Variants in SKIC3 observed in about 807,000 individuals in gnomAD.
SKIC3 encodes the protein SKI3 subunit of superkiller complex.
At chr5:95,480,027 T>C in the SKIC3 span, among the ~76,000 whole-genome samples, 2 of 152,166 alleles carry the variant, frequency 1.3e-5, no homozygotes, top group East Asian at 3.8e-4. Flanking sequence ...TTTTCAAAGA[T>C]TGGTACTATG....
At chr5:95,493,368 T>C in the SKIC3 span, among the ~76,000 whole-genome samples, 14 of 152,304 alleles carry the variant, frequency 9.2e-5, no homozygotes, top group African/African-American at 3.4e-4. Context: ...GAGGACCTAA[T>C]CTGGGCAATC....
chr5:95,541,231 G>A, the SKIC3 span: 3 of 1,404,828 alleles, frequency 2.1e-6, no homozygotes, highest in Non-Finnish European at 3.0e-6. Context: ...CTCCCAAAGT[G>A]CTGGGATTAC....
At chr5:95,489,204 G>A in the SKIC3 span, among the ~76,000 whole-genome samples, 6 of 151,774 alleles carry the variant, frequency 4.0e-5, no homozygotes, top group South Asian at 2.1e-4. Context: ...CTTGGGAGGC[G>A]GAGGCAGGAG....
the SKIC3 span, chr5:95,524,622 A>G: frequency 1.2e-6 from 2 of 1,611,560 alleles, no homozygotes; most frequent in Non-Finnish European, 1.7e-6. Context: ...AAAAAGAAAT[A>G]GTAAAACAAA....
At chr5:95,535,884 C>A in the SKIC3 span, among the ~76,000 whole-genome samples, 2 of 152,124 alleles carry the variant, frequency 1.3e-5, no homozygotes, top group African/African-American at 2.4e-5. Context: ...CAATAATTGA[C>A]AATCACTACC....
chr5:95,507,587 A>AT, the SKIC3 span, among the ~76,000 whole-genome samples: 7 of 152,326 alleles, frequency 4.6e-5, no homozygotes, highest in South Asian at 1.4e-3. Context: ...AGAGTTGGAT[A>AT]TTTAACAAGA....
the SKIC3 span, among the ~76,000 whole-genome samples, chr5:95,549,397 C>G: frequency 3.9e-5 from 6 of 152,118 alleles, no homozygotes; most frequent in Non-Finnish European, 8.8e-5. Flanking sequence ...AAGTTAAATA[C>G]AGCAGCAAAT....
At chr5:95,503,641 T>C in the SKIC3 span, among the ~76,000 whole-genome samples, 1 of 152,138 alleles carries the variant, frequency 6.6e-6, no homozygotes, top group Non-Finnish European at 1.5e-5. Context: ...ATAATAACAT[T>C]CTAAATGAGG....
At chr5:95,520,608 C>T in the SKIC3 span, 81 of 832,194 alleles carry the variant, frequency 9.7e-5, no homozygotes, top group Middle Eastern at 2.5e-3. Flanking sequence ...TTATGTTTGA[C>T]ATTCTGAGCA....
At chr5:95,524,670 T>C in the SKIC3 span, 4 of 1,587,550 alleles carry the variant, frequency 2.5e-6, no homozygotes, top group Non-Finnish European at 3.4e-6. Flanking sequence ...AGACTCCTAG[T>C]TGGAACAATC....
At chr5:95,525,398 C>G in the SKIC3 span, 1 of 1,613,540 alleles carries the variant, frequency 6.2e-7, no homozygotes, top group Non-Finnish European at 8.5e-7. Context: ...ATATCCTTAC[C>G]ATTTTTCTGC....
the SKIC3 span, among the ~76,000 whole-genome samples, chr5:95,472,767 A>G: frequency 6.6e-6 from 1 of 151,690 alleles, no homozygotes; most frequent in Non-Finnish European, 1.5e-5. Context: ...CCACTCCTTC[A>G]CCCTCAGTGG....
the SKIC3 span, among the ~76,000 whole-genome samples, chr5:95,514,029 G>A: frequency 6.6e-6 from 1 of 152,178 alleles, no homozygotes; most frequent in East Asian, 1.9e-4. Context: ...GCACAGTAAC[G>A]CCACTGCTCC....
chr5:95,478,269 A>G, the SKIC3 span: 2 of 1,613,046 alleles, frequency 1.2e-6, no homozygotes, highest in East Asian at 2.2e-5. Context: ...TTTCATGATC[A>G]TAATTATAAC....
the SKIC3 span, chr5:95,512,986 T>G: frequency 4.2e-6 from 1 of 239,312 alleles, no homozygotes; most frequent in Non-Finnish European, 8.2e-6. Context: ...ACTCCTTATC[T>G]CATGTCTATC....
the SKIC3 span, among the ~76,000 whole-genome samples, chr5:95,532,753 AAAAAC>A: frequency 1.3e-5 from 2 of 152,128 alleles, no homozygotes; most frequent in South Asian, 4.1e-4. Flanking sequence ...TTTATTTCTC[AAAAAC>A]GCAAGCCAGA....
chr5:95,539,121 TACAAAACACCTAGTCTA>T, the SKIC3 span, among the ~76,000 whole-genome samples: 3 of 152,218 alleles, frequency 2.0e-5, no homozygotes, highest in Admixed American at 6.5e-5. Flanking sequence ...ATTGTACATT[TACAAAACACCTAGTCTA>T]ACATACAATC....
At chr5:95,495,143 C>T in the SKIC3 span, 1 of 818,104 alleles carries the variant, frequency 1.2e-6, no homozygotes, top group Non-Finnish European at 2.0e-6. Flanking sequence ...TTCACAACTC[C>T]TAAACTTCTT....
chr5:95,513,631 C>T, the SKIC3 span: 1 of 1,613,762 alleles, frequency 6.2e-7, no homozygotes, highest in East Asian at 2.2e-5. Context: ...TTCCAACTGC[C>T]TCAGCAATAA....
Sources: allele counts gnomAD v4.1 joint callset (sites outside exome capture counted in the v4.1 genomes callset), GRCh38; gene constraint gnomAD v4.1.1; transcripts MANE v1.5; gene names NCBI Gene and HGNC (gene_info 2026-07-23, HGNC 2026-07-21).